CABCOCO1: variants seen among roughly 807,000 people sequenced by gnomAD.
The protein encoded by CABCOCO1 is ciliary-associated calcium-binding coiled-coil protein 1.
In CABCOCO1, 28 loss-of-function variants were observed where a neutral mutation model predicts 35.7. The observed-to-expected ratio is 0.78, with a 90% CI of 0.58 to 1.07. The LOEUF is 1.07. CABCOCO1 is among the 50% of genes least tolerant of loss of function. The pLI, the probability that CABCOCO1 is intolerant of heterozygous loss-of-function variation, is 0.00. For missense variants in CABCOCO1, 326 were observed against 309.2 expected, an observed-to-expected ratio of 1.05 and a Z score of -0.41; for synonymous variants, 95 against 100.1, an observed-to-expected ratio of 0.95 and a Z score of 0.30.
At chr10:61,751,368 A>G (rs1841781583) in intron 5 of CABCOCO1, among the ~76,000 whole-genome samples, 1 of 151,982 alleles carries the variant, frequency 6.6e-6, no homozygotes. Context: ...CAAAAAATAG[A>G]AGGGCACAGG....
intron 5 of CABCOCO1, among the ~76,000 whole-genome samples, chr10:61,732,885 G>A (rs1012218289): frequency 6.6e-6 from 1 of 152,044 alleles, no homozygotes; most frequent in African/African-American, 2.4e-5. Context: ...TGAAAGTTAG[G>A]ATGAGAAACG....
intron 5 of CABCOCO1, among the ~76,000 whole-genome samples, chr10:61,747,580 C>T (rs1232281035): frequency 6.6e-6 from 1 of 152,050 alleles, no homozygotes; most frequent in Non-Finnish European, 1.5e-5. Flanking sequence ...TTGCAATGTT[C>T]CTTTATTATT....
chr10:61,750,171 T>G (rs1841750860), intron 5 of CABCOCO1, among the ~76,000 whole-genome samples: 1 of 152,150 alleles, frequency 6.6e-6, no homozygotes, highest in African/African-American at 2.4e-5. Flanking sequence ...ATTTGCTTCA[T>G]GATGTTACTT....
At chr10:61,678,638 C>T (rs1839599718) in intron 2 of CABCOCO1, among the ~76,000 whole-genome samples, 1 of 152,014 alleles carries the variant, frequency 6.6e-6, no homozygotes, top group South Asian at 2.1e-4. Flanking sequence ...AAAAATAAGG[C>T]TTAATCTTAG....
chr10:61,766,140 T>TA lies in CABCOCO1; in HGVS notation c.*128dup. 5 of 840,208 alleles carry TA rather than the reference T, an allele frequency of 6.0e-6. No homozygotes were observed. The highest frequency in any genetic ancestry group is 9.0e-6 in the Non-Finnish European group (5 of 555,952). The allele number at this position is 840,208 out of a possible 1,614,324, so 52.0% of individuals were successfully genotyped here. ...GAAAGGAAAACCAAGCCCCACTTTTTATTTTCCTAAGTAATTAGAAAAGTA... is the reference window on the plus strand; with the variant it reads ...GAAAGGAAAACCAAGCCCCACTTTTTAATTTTCCTAAGTAATTAGAAAAGTA... On this transcript the variant is annotated 3_prime_UTR_variant, in exon 8 of 8. Coordinates refer to ENST00000648843, the MANE Select transcript of CABCOCO1 (RefSeq NM_001366906.2).
At chr10:61,722,443 A>T (rs1429732755) in intron 5 of CABCOCO1, among the ~76,000 whole-genome samples, 1 of 152,126 alleles carries the variant, frequency 6.6e-6, no homozygotes, top group Non-Finnish European at 1.5e-5. Flanking sequence ...TAATCTACAA[A>T]TTAATTGCCA....
intron 5 of CABCOCO1, among the ~76,000 whole-genome samples, chr10:61,733,271 G>T (rs572044233): frequency 2.2e-4 from 34 of 151,892 alleles, no homozygotes; most frequent in Middle Eastern, 3.5e-3. Flanking sequence ...ATTTCATTCA[G>T]AACATGCATC....
intron 5 of CABCOCO1, among the ~76,000 whole-genome samples, chr10:61,722,066 T>G (rs1228502770): frequency 6.6e-6 from 1 of 152,188 alleles, no homozygotes; most frequent in East Asian, 1.9e-4. Context: ...GTCAATTGGA[T>G]GAGTCTCTTT....
Position 61,744,312 on chromosome 10 carries a change from G to C in CABCOCO1, c.553-15747G>C, listed in dbSNP as rs570688870. Among the ~76,000 whole-genome samples, 5 of 152,206 alleles carry C rather than the reference G, an allele frequency of 3.3e-5. No homozygotes were observed. The East Asian group carries it at 9.6e-4, about 29-fold the overall frequency. On this transcript the variant is annotated intron_variant, in intron 5 of 7. Transcript: ENST00000648843. ...AAAGTATAACATTATTACAGGAAAT[G>C]TAAATAACCTTAATTTATATTTCTA... is the stretch of plus-strand genomic sequence containing the variant.
chr10:61,731,075 C>T lies in CABCOCO1; in HGVS notation c.553-28984C>T, dbSNP rs1328685456. On this transcript the variant is annotated intron_variant, in intron 5 of 7. Coordinates refer to ENST00000648843, the MANE Select transcript of CABCOCO1 (RefSeq NM_001366906.2). The stretch of plus-strand genomic sequence containing the variant: ...ATTTTATTGGAGTAGAGGGATCGAT[C>T]ATATGGCAATACTAGATCAAAGTTA... Among the ~76,000 whole-genome samples the T allele has an allele frequency of 2.7e-5, 4 of 149,926 alleles. No homozygotes were observed. In the East Asian group the frequency reaches 7.7e-4, roughly 29 times the overall value.
At chr10:61,688,250 GT>G (rs1589122514) in intron 4 of CABCOCO1, among the ~76,000 whole-genome samples, 2 of 152,212 alleles carry the variant, frequency 1.3e-5, no homozygotes, top group East Asian at 3.9e-4. Context: ...AGGTAACCCA[GT>G]TATCAAAAGT....
At chr10:61,677,811 G>GTTTTTTTTTT (rs35492889) in intron 2 of CABCOCO1, among the ~76,000 whole-genome samples, 38 of 60,302 alleles carry the variant, frequency 6.3e-4, no homozygotes, top group East Asian at 1.1e-3. Flanking sequence ...TTTTTTGGGT[G>GTTTTTTTTTT]TTTTTTTTTT....
chr10:61,746,131 T>C (rs1211386003), intron 5 of CABCOCO1, among the ~76,000 whole-genome samples: 3 of 152,220 alleles, frequency 2.0e-5, no homozygotes, highest in East Asian at 1.9e-4. Context: ...CACTTTTATA[T>C]GCACTAAATT....
intron 3 of CABCOCO1, 127 bp downstream of exon 3, chr10:61,681,439 A>T: frequency 1.6e-6 from 1 of 644,242 alleles, no homozygotes; most frequent in Non-Finnish European, 2.5e-6. Flanking sequence ...TCCTGAGTAT[A>T]ACAAATACAT....
chr10:61,680,845 C>A (rs1230733249), intron 2 of CABCOCO1, among the ~76,000 whole-genome samples: 1 of 146,026 alleles, frequency 6.8e-6, no homozygotes, highest in Non-Finnish European at 1.5e-5. Context: ...GAAAAATATA[C>A]TAGTAAAATT....
At chr10:61,700,086 G>T (rs192068465) in intron 5 of CABCOCO1, among the ~76,000 whole-genome samples, 54 of 152,134 alleles carry the variant, frequency 3.5e-4, no homozygotes, top group African/African-American at 1.3e-3. Flanking sequence ...GCTGGTAATG[G>T]AATAACACAT....
At chr10:61,741,855 T>A (rs1430244126) in intron 5 of CABCOCO1, among the ~76,000 whole-genome samples, 1 of 152,248 alleles carries the variant, frequency 6.6e-6, no homozygotes, top group Non-Finnish European at 1.5e-5. Flanking sequence ...AATTTGTTGT[T>A]CTTTTATTAT....
intron 5 of CABCOCO1, among the ~76,000 whole-genome samples, chr10:61,715,048 T>C (rs1840826761): frequency 6.6e-6 from 1 of 152,198 alleles, no homozygotes; most frequent in South Asian, 2.1e-4. Context: ...CAGAGCTGAG[T>C]TGAAGTCCTG....
chr10:61,730,443 A>G (rs1182488584), intron 5 of CABCOCO1, among the ~76,000 whole-genome samples: 2 of 152,140 alleles, frequency 1.3e-5, no homozygotes, highest in Admixed American at 6.6e-5. Flanking sequence ...AAATAGACAT[A>G]TGAAGAGGAA....
Sources: allele counts gnomAD v4.1 joint callset (sites outside exome capture counted in the v4.1 genomes callset), GRCh38; gene constraint gnomAD v4.1.1; transcripts MANE v1.5; gene names NCBI Gene and HGNC (gene_info 2026-07-23, HGNC 2026-07-21).